XPO1: variants seen among roughly 807,000 people sequenced by gnomAD.
XPO1 encodes the protein exportin 1, also known as exportin-1.
XPO1 carries 5 observed loss-of-function variants against 133.3 expected under a neutral mutation model. The ratio of observed to expected loss-of-function variants is 0.04; its 90% CI spans 0.02 to 0.08. The LOEUF (loss-of-function observed/expected upper bound fraction) is 0.08, where lower values mean the gene tolerates loss of function less well. XPO1 is among the 10% of genes least tolerant of loss of function. The pLI, the probability that XPO1 is intolerant of heterozygous loss-of-function variation, is 1.00. For missense variants in XPO1, 506 were observed against 1,267.5 expected, an observed-to-expected ratio of 0.40 and a Z score of 9.12; for synonymous variants, 419 against 408.2, an observed-to-expected ratio of 1.03 and a Z score of -0.32.
chr2:61,481,091 G>A, intron 24 of XPO1, 94 bp downstream of exon 24: 1 of 714,330 alleles, frequency 1.4e-6, no homozygotes, highest in Non-Finnish European at 2.2e-6. Context: ...CCATTTATTT[G>A]GCATGACAAA....
chr2:61,494,375 G>A (rs923984205), intron 11 of XPO1: 3 of 302,176 alleles, frequency 9.9e-6, no homozygotes, highest in Non-Finnish European at 1.9e-5. Context: ...GTGCCAATAA[G>A]TGGTATCACA....
intron 2 of XPO1, among the ~76,000 whole-genome samples, chr2:61,531,373 A>C (rs1382799159): frequency 6.6e-6 from 1 of 152,246 alleles, no homozygotes; most frequent in Non-Finnish European, 1.5e-5. Context: ...AAAAATTTAG[A>C]AACACTTTTC....
chr2:61,533,946 G>T, intron 1 of XPO1, 43 bp from the exon 2 acceptor site: 1 of 1,414,496 alleles, frequency 7.1e-7, no homozygotes, highest in Non-Finnish European at 9.3e-7. Flanking sequence ...ATCAAGTTTT[G>T]GTATTATCAA....
In XPO1 at chr2:61,493,072, C is replaced by A. The variant is rs1344784143; in HGVS notation, c.1246-19G>T. On this transcript the variant is annotated intron_variant, in intron 12 of 24. Transcript: ENST00000401558. ...AACGGACCTATACTCAACAATATATCAATCAAGAAAAAAATCGTTAGATCA... is the reference window on the plus strand; with the variant it reads ...AACGGACCTATACTCAACAATATATAAATCAAGAAAAAAATCGTTAGATCA... The A allele has an allele frequency of 6.5e-7, 1 of 1,547,000 alleles. No homozygotes were observed. The highest frequency in any genetic ancestry group is 8.6e-7 in the Non-Finnish European group (1 of 1,157,512).
intron 4 of XPO1, among the ~76,000 whole-genome samples, chr2:61,522,309 G>A (rs763054421): frequency 1.2e-4 from 18 of 151,696 alleles, no homozygotes; most frequent in Non-Finnish European, 2.4e-4. Flanking sequence ...TACTTGCCTC[G>A]GCCTCCTGAA....
At chr2:61,496,855 A>T in intron 10 of XPO1, 24 bp downstream of exon 10, 1 of 1,502,634 alleles carries the variant, frequency 6.7e-7, no homozygotes, top group Non-Finnish European at 8.9e-7. Flanking sequence ...TATTCAGCCA[A>T]TTTTCAAGAT....
chr2:61,499,436 G>A (rs182930883), intron 7 of XPO1, among the ~76,000 whole-genome samples: 1 of 152,176 alleles, frequency 6.6e-6, no homozygotes, highest in Non-Finnish European at 1.5e-5. Context: ...TAACTAATAC[G>A]TATGTTTGGA....
In XPO1 at chr2:61,507,243, C is replaced by CAA. The variant is rs55737388; in HGVS notation, c.302-4935_302-4934dup. On this transcript the variant is annotated intron_variant, in intron 4 of 24. Coordinates refer to ENST00000401558, the MANE Select transcript of XPO1 (RefSeq NM_003400.4). ...TGGGTGACAGCGGGAGACTCCATCTCAAAAAAAAAAAAAAAAGAGTGAAGA... is the reference window on the plus strand; with the variant it reads ...TGGGTGACAGCGGGAGACTCCATCTCAAAAAAAAAAAAAAAAAAGAGTGAAGA... 1.9e-3 allele frequency among the ~76,000 whole-genome samples: 123 copies of CAA among 65,494 alleles called. 3 individuals are homozygous for CAA. The highest frequency in any genetic ancestry group is 5.7e-3 in the African/African-American group (88 of 15,472). 43.0% of individuals were successfully genotyped at this position (65,494 alleles called of 152,430 possible).
At chr2:61,483,746 A>C (rs116671847) in intron 21 of XPO1, 191 bp downstream of exon 21, 3 of 588,306 alleles carry the variant, frequency 5.1e-6, no homozygotes, top group Admixed American at 3.4e-5. Context: ...CCATAACTCA[A>C]TTCTGCCTAT....
Position 61,499,900 on chromosome 2 carries a change from A to C in XPO1, c.409-6T>G, listed in dbSNP as rs751661663. ...GGCCATTCTTGTTTCAGTATCTAAA[A>C]CAAGACATGAAATGTTAATCGCACT... On this transcript the variant is annotated splice_region_variant and splice_polypyrimidine_tract_variant and intron_variant, in intron 6 of 24. Coordinates refer to ENST00000401558, the MANE Select transcript of XPO1 (RefSeq NM_003400.4). The C allele has an allele frequency of 2.5e-6, 4 of 1,600,520 alleles. No homozygotes were observed. Among genetic ancestry groups the C allele is most frequent in the African/African-American group, 2.7e-5 (2 of 74,098 alleles).
At chr2:61,525,918 TG>T (rs1291433886) in intron 3 of XPO1, 15 of 1,049,910 alleles carry the variant, frequency 1.4e-5, no homozygotes, top group Non-Finnish European at 1.6e-5. Flanking sequence ...AAACACATTT[TG>T]ATCAACCCTT....
At chr2:61,487,373 T>C (rs141700853) in intron 19 of XPO1, among the ~76,000 whole-genome samples, 4 of 152,348 alleles carry the variant, frequency 2.6e-5, no homozygotes, top group Admixed American at 2.0e-4. Flanking sequence ...AATACAGTTC[T>C]GTTCACATAA....
chr2:61,492,122 A>G lies in XPO1; in HGVS notation c.1800T>C (p.Val600=). 1 of 1,614,230 alleles carries G rather than the reference A, an allele frequency of 6.2e-7. No individual in the cohort carries two copies. The highest frequency in any genetic ancestry group is 8.5e-7 in the Non-Finnish European group (1 of 1,180,046). Residue 600 remains valine, a synonymous_variant, in exon 16 of 25, where the codon GTT becomes GTC. Transcript: ENST00000401558. This position sits in a 1 kb window ranked among gnomAD's most constrained non-coding sequence, Gnocchi z 5.6. ...GCATCACTTCTCCAACCTGAACCTGAACGAAATGCCTGCGGCATTTTTGGG... is the reference window on the plus strand; with the variant it reads ...GCATCACTTCTCCAACCTGAACCTGGACGAAATGCCTGCGGCATTTTTGGG... ...KIAQKCRRHF[V]QVQVGEVMPF...
At chr2:61,528,859 G>C (rs2104803883) in intron 2 of XPO1, among the ~76,000 whole-genome samples, 1 of 148,886 alleles carries the variant, frequency 6.7e-6, no homozygotes, top group East Asian at 2.0e-4. Flanking sequence ...AAAAGCAATG[G>C]CTTAATCTTT....
chr2:61,535,605 G>T (rs760779900), intron 1 of XPO1, among the ~76,000 whole-genome samples: 2 of 152,084 alleles, frequency 1.3e-5, no homozygotes, highest in African/African-American at 2.4e-5. Flanking sequence ...TAAATATAAC[G>T]TCTGTTACAA....
chr2:61,519,469 G>A (rs938093766), intron 4 of XPO1, among the ~76,000 whole-genome samples: 18 of 151,604 alleles, frequency 1.2e-4, no homozygotes, highest in East Asian at 3.9e-4. Context: ...AGGCCGAGGC[G>A]GGAGGACCAA....
intron 19 of XPO1, among the ~76,000 whole-genome samples, chr2:61,487,833 T>C (rs1696772376): frequency 6.6e-6 from 1 of 152,164 alleles, no homozygotes; most frequent in Admixed American, 6.6e-5. Context: ...GCTCTAGCAA[T>C]TGTTCTAAAA....
Position 61,483,918 on chromosome 2 carries a change from AAG to A in XPO1, c.2677+17_2677+18del. The A allele has an allele frequency of 6.2e-7, 1 of 1,608,578 alleles. No individual in the cohort carries two copies. The highest frequency in any genetic ancestry group is 1.1e-5 in the South Asian group (1 of 89,426). The stretch of plus-strand genomic sequence containing the variant: ...TTTGGATTGGCAGGCAAATGAATAA[AAG>A]AACATCTTTTATTTACCCGTATCTG... On this transcript the variant is annotated intron_variant, in intron 21 of 24. Coordinates refer to ENST00000401558, the MANE Select transcript of XPO1 (RefSeq NM_003400.4).
At chr2:61,488,334 G>A (rs1696794584) in intron 18 of XPO1, 63 bp from the exon 19 acceptor site, 2 of 1,447,338 alleles carry the variant, frequency 1.4e-6, no homozygotes, top group South Asian at 2.4e-5. Flanking sequence ...GTACTCAGGT[G>A]TACATTAGAT....
Sources: gnomAD v4.1 joint callset for allele counts (sites outside exome capture counted in the v4.1 genomes callset) on GRCh38, gnomAD v4.1.1 for gene constraint, Gnocchi (gnomAD v3.1) non-coding constraint, MANE v1.5 for transcripts, NCBI Gene and HGNC (gene_info 2026-07-23, HGNC 2026-07-21) for gene names.